The following PTPRA variants were observed in gnomAD, a reference collection of about 807,000 sequenced individuals.
PTPRA encodes the protein protein tyrosine phosphatase receptor type A.
Under a neutral mutation model 104.8 loss-of-function variants are expected in PTPRA, and 25 were observed. That is an observed-to-expected ratio of 0.24 (90% CI 0.17 to 0.33). The LOEUF (loss-of-function observed/expected upper bound fraction) is 0.33. PTPRA is among the 10% of genes least tolerant of loss of function. The pLI is 1.00. For missense variants in PTPRA, 765 were observed against 1,015.3 expected (o/e 0.75, Z 3.35); for synonymous variants, 323 against 368.9 (o/e 0.88, Z 1.43).
upstream of PTPRA, among the ~76,000 whole-genome samples, chr20:2,872,737 G>A (rs546490328): frequency 6.6e-6 from 1 of 152,352 alleles, no homozygotes; most frequent in Admixed American, 6.5e-5. This position sits in a 1 kb window ranked among gnomAD's most constrained non-coding sequence, Gnocchi z 7.9. Context: ...CGCCGGGAAG[G>A]GGGTACGCGC....
At chr20:2,964,457 AT>A in intron 4 of PTPRA, 107 bp downstream of exon 4, 1 of 1,008,238 alleles carries the variant, frequency 9.9e-7, no homozygotes, top group Non-Finnish European at 1.5e-6. Context: ...GAATATAAAA[AT>A]TTTATTCAAA....
intron 9 of PTPRA, among the ~76,000 whole-genome samples, chr20:2,990,646 G>A (rs1217704697): frequency 1.3e-5 from 2 of 152,126 alleles, no homozygotes; most frequent in African/African-American, 2.4e-5. Flanking sequence ...TGGGAGTATC[G>A]CTTGAGCCTG....
intron 5 of PTPRA, among the ~76,000 whole-genome samples, chr20:2,973,007 A>G (rs562425652): frequency 6.6e-6 from 1 of 152,218 alleles, no homozygotes; most frequent in South Asian, 2.1e-4. Flanking sequence ...GGTGTGAGCC[A>G]CCACATCTGG....
At chr20:3,024,664 T>G in intron 17 of PTPRA, 43 bp downstream of exon 17, 1 of 1,608,000 alleles carries the variant, frequency 6.2e-7, no homozygotes, top group South Asian at 1.1e-5. Flanking sequence ...GAAGGATCCT[T>G]GTAATCTGGG....
At chr20:2,998,703 G>A (rs1400922658) in intron 9 of PTPRA, among the ~76,000 whole-genome samples, 1 of 152,136 alleles carries the variant, frequency 6.6e-6, no homozygotes, top group African/African-American at 2.4e-5. Flanking sequence ...ACTATTGGGT[G>A]AGAGTATTGA....
chr20:2,996,524 A>G (rs1305562216), intron 9 of PTPRA, among the ~76,000 whole-genome samples: 1 of 152,244 alleles, frequency 6.6e-6, no homozygotes, highest in East Asian at 1.9e-4. Flanking sequence ...AAAGATAGCA[A>G]ATATATTAAA....
chr20:3,022,908 G>A lies in PTPRA; in HGVS notation c.1464+84G>A. ...CATTGAGGATTCACTCAGTCTCACA[G>A]GTTATTGTAAATGATTACTATAGAG... On this transcript the variant is annotated intron_variant, in intron 16 of 23. Transcript: ENST00000399903. The surrounding 1 kb of genome is among the most constrained non-coding windows in gnomAD (Gnocchi z 4.6). 1.3e-6 allele frequency: 2 copies of A among 1,575,670 alleles called. No homozygotes were observed. The highest frequency in any genetic ancestry group is 1.7e-6 in the Non-Finnish European group (2 of 1,157,954).
chr20:2,937,002 T>G lies in PTPRA; in HGVS notation c.-49-10980T>G, dbSNP rs560090970. Among the ~76,000 whole-genome samples the G allele has an allele frequency of 2.0e-5, 3 of 152,240 alleles. No homozygotes were observed. The South Asian group carries it at 6.2e-4, about 32-fold the overall frequency. ...TCTCTTTATAAAGTTTTTTGTGTGA[T>G]TGCTCTAGGAATATATATGTAGATA... On this transcript the variant is annotated intron_variant, in intron 2 of 23. Transcript: ENST00000399903.
At position 3,035,208 on chromosome 20, in the gene PTPRA, G is replaced by T. The variant is rs541745761; in HGVS notation, c.1921-377G>T. Among the ~76,000 whole-genome samples, 1 of 152,186 alleles carries T rather than the reference G, an allele frequency of 6.6e-6. No homozygotes were observed. The highest frequency in any genetic ancestry group is 2.4e-5 in the African/African-American group (1 of 41,442). On this transcript the variant is annotated intron_variant, in intron 20 of 23. Transcript: ENST00000399903. The surrounding 1 kb of genome is among the most constrained non-coding windows in gnomAD (Gnocchi z 5.8). ...CTGTGTGGGAATGTGAATTGGTTCTGATTTTCTGAATTAGCAGTCTGGCGG... is the reference window on the plus strand; with the variant it reads ...CTGTGTGGGAATGTGAATTGGTTCTTATTTTCTGAATTAGCAGTCTGGCGG...
chr20:3,007,332 T>A lies in PTPRA; in HGVS notation c.830-12T>A. On this transcript the variant is annotated splice_polypyrimidine_tract_variant and intron_variant, in intron 10 of 23. Transcript: ENST00000399903. ...TTTGATTTTACTGAAATATTGTTGGTTTGTTTCCTAGATGACCACTCTAGA... is the reference window on the plus strand; with the variant it reads ...TTTGATTTTACTGAAATATTGTTGGATTGTTTCCTAGATGACCACTCTAGA... 4 of 1,611,760 alleles carry A rather than the reference T, an allele frequency of 2.5e-6. No individual in the cohort carries two copies. Among genetic ancestry groups the A allele is most frequent in the Non-Finnish European group, 3.4e-6 (4 of 1,178,040 alleles).
intron 3 of PTPRA, among the ~76,000 whole-genome samples, chr20:2,953,608 G>GT (rs1178422727): frequency 5.4e-5 from 8 of 149,200 alleles, no homozygotes; most frequent in Non-Finnish European, 8.9e-5. Flanking sequence ...GTTTTTTGGT[G>GT]TTTTGTTTTT....
chr20:2,910,593 T>TTTG (rs2059680719), intron 1 of PTPRA, among the ~76,000 whole-genome samples: 1 of 127,116 alleles, frequency 7.9e-6, no homozygotes, highest in Admixed American at 8.7e-5. Flanking sequence ...TTTTTTGTTT[T>TTTG]TTTTTTGTTT....
intron 1 of PTPRA, among the ~76,000 whole-genome samples, chr20:2,906,728 A>G (rs952715207): frequency 6.6e-6 from 1 of 152,174 alleles, no homozygotes; most frequent in Non-Finnish European, 1.5e-5. Flanking sequence ...GGTTTTATAT[A>G]TTTCATCTTT....
At chr20:2,921,796 C>G (rs1000128999) in intron 1 of PTPRA, among the ~76,000 whole-genome samples, 22 of 152,300 alleles carry the variant, frequency 1.4e-4, no homozygotes, top group African/African-American at 5.3e-4. Context: ...CTGACGAAGT[C>G]TCTGCCCACC....
chr20:3,017,285 C>T (rs2064514488), intron 12 of PTPRA, among the ~76,000 whole-genome samples: 1 of 152,198 alleles, frequency 6.6e-6, no homozygotes, highest in Non-Finnish European at 1.5e-5. Context: ...TTCCGTTAGC[C>T]TCTCTGCTGT....
chr20:2,910,069 T>C (rs1477673020), intron 1 of PTPRA, among the ~76,000 whole-genome samples: 1 of 120,300 alleles, frequency 8.3e-6, no homozygotes, highest in African/African-American at 3.3e-5. Context: ...ATATATAATA[T>C]ATATGATGTA....
intron 1 of PTPRA, among the ~76,000 whole-genome samples, chr20:2,889,622 T>C (rs538423036): frequency 1.1e-4 from 17 of 152,340 alleles, no homozygotes; most frequent in African/African-American, 4.1e-4. Context: ...TTATTGCTCA[T>C]GTCTTTTCTT....
chr20:2,929,475 G>C (rs935503190), intron 2 of PTPRA, among the ~76,000 whole-genome samples: 1 of 152,208 alleles, frequency 6.6e-6, no homozygotes, highest in African/African-American at 2.4e-5. Flanking sequence ...TAATGAGAGT[G>C]TGGTAGGATT....
upstream of PTPRA, among the ~76,000 whole-genome samples, chr20:2,872,604 G>C (rs1568633839): frequency 6.6e-6 from 1 of 152,212 alleles, no homozygotes. This position sits in a 1 kb window ranked among gnomAD's most constrained non-coding sequence, Gnocchi z 7.9. Context: ...CTGCGTAATC[G>C]GCTTTCAGCC....
Sources: gnomAD v4.1 joint callset for allele counts (sites outside exome capture counted in the v4.1 genomes callset) on GRCh38, gnomAD v4.1.1 for gene constraint, Gnocchi (gnomAD v3.1) non-coding constraint, MANE v1.5 for transcripts, NCBI Gene and HGNC (gene_info 2026-07-23, HGNC 2026-07-21) for gene names.